RAI14: variants seen among roughly 807,000 people sequenced by gnomAD.
RAI14 encodes retinoic acid induced 14, also known as ankycorbin.
RAI14 carries 45 observed loss-of-function variants against 115.4 expected under a neutral mutation model. The observed-to-expected ratio is 0.39, with a 90% CI of 0.31 to 0.50. The LOEUF (loss-of-function observed/expected upper bound fraction) is 0.50, where lower values mean the gene tolerates loss of function less well. RAI14 is among the 20% of genes least tolerant of loss of function. RAI14 has a pLI of 0.85. For synonymous variants in RAI14, 371 were observed against 415.4 expected, an observed-to-expected ratio of 0.89 and a Z score of 1.30; for missense variants, 939 against 1,131.2, an observed-to-expected ratio of 0.83 and a Z score of 2.44.
chr5:34,785,609 G>A (rs989725513), intron 3 of RAI14, among the ~76,000 whole-genome samples: 13 of 152,172 alleles, frequency 8.5e-5, no homozygotes, highest in Admixed American at 2.0e-4. Flanking sequence ...GGCCAGTGCT[G>A]TAGAGAAGTG....
chr5:34,759,613 G>A (rs1748360502), intron 3 of RAI14, among the ~76,000 whole-genome samples: 1 of 152,082 alleles, frequency 6.6e-6, no homozygotes, highest in Non-Finnish European at 1.5e-5. Flanking sequence ...AGTTGGGACT[G>A]TCTAGTTCCA....
At chr5:34,739,274 A>C (rs574680473) in intron 2 of RAI14, among the ~76,000 whole-genome samples, 8 of 152,264 alleles carry the variant, frequency 5.3e-5, no homozygotes, top group Non-Finnish European at 1.0e-4. Context: ...CGTGTCTTGC[A>C]GTTGAGGCAC....
chr5:34,783,936 C>A (rs1279826998), intron 3 of RAI14, among the ~76,000 whole-genome samples: 1 of 152,158 alleles, frequency 6.6e-6, no homozygotes, highest in African/African-American at 2.4e-5. Flanking sequence ...GTAGCCCAGA[C>A]AAAGTGAGAA....
At chr5:34,775,095 C>T (rs1032432805) in intron 3 of RAI14, among the ~76,000 whole-genome samples, 3 of 152,194 alleles carry the variant, frequency 2.0e-5, no homozygotes, top group Non-Finnish European at 2.9e-5. Flanking sequence ...ACCCCTATCT[C>T]TTGCCATATA....
chr5:34,723,906 A>C (rs1481211428), intron 2 of RAI14, among the ~76,000 whole-genome samples: 1 of 152,212 alleles, frequency 6.6e-6, no homozygotes, highest in Non-Finnish European at 1.5e-5. Context: ...TTCAATACTC[A>C]TGCTAGGAAA....
intron 2 of RAI14, among the ~76,000 whole-genome samples, chr5:34,743,708 ATTGAGATACCC>A (rs1745812167): frequency 6.6e-6 from 1 of 152,192 alleles, no homozygotes; most frequent in African/African-American, 2.4e-5. Flanking sequence ...GTCATAGGCA[ATTGAGATACCC>A]TGGGCCTGGG....
At chr5:34,719,611 G>A (rs1020687863) in intron 2 of RAI14, among the ~76,000 whole-genome samples, 17 of 152,250 alleles carry the variant, frequency 1.1e-4, no homozygotes, top group African/African-American at 3.9e-4. Flanking sequence ...GTGGTTGCAC[G>A]CTGGACTAAA....
Position 34,830,810 on chromosome 5 carries a change from T to G in RAI14, c.*45T>G, listed in dbSNP as rs760656616. ...CACTGCCCCTTGTCATCTGTCTTTGTGTTAGATCCAGAGTTGTCGGCAGCC... is the reference window on the plus strand; with the variant it reads ...CACTGCCCCTTGTCATCTGTCTTTGGGTTAGATCCAGAGTTGTCGGCAGCC... On this transcript the variant is annotated 3_prime_UTR_variant, in exon 18 of 18. Transcript: ENST00000265109. 1.2e-6 allele frequency: 2 copies of G among 1,612,078 alleles called. No individual in the cohort carries two copies. Among genetic ancestry groups the G allele is most frequent in the Non-Finnish European group, 1.7e-6 (2 of 1,178,910 alleles).
chr5:34,829,955 C>G, intron 17 of RAI14, 158 bp downstream of exon 17: 1 of 610,776 alleles, frequency 1.6e-6, no homozygotes. Flanking sequence ...GCTTTGGATT[C>G]TGTGTCAGGA....
At chr5:34,680,446 C>T (rs186856468) in intron 1 of RAI14, among the ~76,000 whole-genome samples, 45 of 152,144 alleles carry the variant, frequency 3.0e-4, no homozygotes, top group Admixed American at 7.9e-4. Flanking sequence ...AATTCACTCC[C>T]GTAATAAAGC....
At position 34,818,259 on chromosome 5, in the gene RAI14, T is replaced by C. The variant is rs547785977; in HGVS notation, c.940-538T>C. 3.3e-5 allele frequency among the ~76,000 whole-genome samples: 5 copies of C among 152,300 alleles called. No individual in the cohort carries two copies. In the South Asian group the frequency reaches 8.3e-4, roughly 25 times the overall value. ...CAGGGACAAAGCATTAGAGAAAATC[T>C]TTAGGGAATCTATTGCCAATCTGAG... On this transcript the variant is annotated intron_variant, in intron 12 of 17. Transcript: ENST00000265109.
intron 3 of RAI14, 151 bp downstream of exon 3, chr5:34,757,749 C>A: frequency 9.4e-7 from 1 of 1,058,888 alleles, no homozygotes; most frequent in Non-Finnish European, 1.3e-6. Context: ...TAGTGCCTTT[C>A]TCTCCAAATT....
chr5:34,770,494 C>T (rs748691671), intron 3 of RAI14, among the ~76,000 whole-genome samples: 13 of 152,210 alleles, frequency 8.5e-5, no homozygotes, highest in Non-Finnish European at 1.6e-4. Context: ...TAAACAGATA[C>T]CTCTTTACTA....
chr5:34,757,492 G>T lies in RAI14; in HGVS notation c.61G>T (p.Asp21Tyr). 1 of 1,613,832 alleles carries T rather than the reference G, an allele frequency of 6.2e-7. No individual in the cohort carries two copies. The highest frequency in any genetic ancestry group is 1.1e-5 in the South Asian group (1 of 91,030). ...GACCAATGAGTGGAACAAGAATGATGACCGGCTACTGCAGGCCGTGGAGAA... is the reference window on the plus strand; with the variant it reads ...GACCAATGAGTGGAACAAGAATGATTACCGGCTACTGCAGGCCGTGGAGAA... Reference protein sequence around the residue: ...SDTNEWNKNDDRLLQAVENGD... With the variant: ...SDTNEWNKNDYRLLQAVENGD... The change falls in exon 3 of 18, where the codon GAC becomes TAC. Residue 21 changes from aspartate to tyrosine, a missense_variant. Coordinates refer to ENST00000265109, the MANE Select transcript of RAI14 (RefSeq NM_015577.3).
intron 2 of RAI14, among the ~76,000 whole-genome samples, chr5:34,715,698 T>C (rs930440625): frequency 2.0e-5 from 3 of 152,200 alleles, no homozygotes; most frequent in African/African-American, 7.2e-5. Context: ...TCACCCTTCA[T>C]GTGTTACCTG....
chr5:34,677,444 C>A (rs1744069355), intron 1 of RAI14, among the ~76,000 whole-genome samples: 1 of 152,026 alleles, frequency 6.6e-6, no homozygotes. Context: ...AGCCACCACA[C>A]CTGGCCGTTT....
chr5:34,758,979 C>T (rs1309361954), intron 3 of RAI14, among the ~76,000 whole-genome samples: 8 of 152,032 alleles, frequency 5.3e-5, no homozygotes, highest in Non-Finnish European at 1.0e-4. Context: ...GGTTGAGTGC[C>T]GACTGGGTAC....
At chr5:34,667,163 T>C (rs1738790345) in intron 1 of RAI14, 1 of 152,234 alleles carries the variant, frequency 6.6e-6, no homozygotes, top group South Asian at 2.1e-4. Flanking sequence ...AACAGTGACC[T>C]TGAGACTCCT....
intron 5 of RAI14, among the ~76,000 whole-genome samples, chr5:34,804,720 G>A (rs1754661163): frequency 6.6e-6 from 1 of 152,172 alleles, no homozygotes; most frequent in East Asian, 1.9e-4. Flanking sequence ...AAGAAAAATA[G>A]ATTAATGTCT....
Sources: gnomAD v4.1 joint callset for allele counts (sites outside exome capture counted in the v4.1 genomes callset) on GRCh38, gnomAD v4.1.1 for gene constraint, MANE v1.5 for transcripts, NCBI Gene and HGNC (gene_info 2026-07-23, HGNC 2026-07-21) for gene names.